The following FUCA2 variants were observed in gnomAD, a reference collection of about 807,000 sequenced individuals.
FUCA2 encodes the protein plasma alpha-L-fucosidase.
FUCA2 carries 41 observed loss-of-function variants against 52.6 expected under a neutral mutation model. The observed-to-expected ratio is 0.78, with a 90% confidence interval of 0.61 to 1.01. The LOEUF is 1.01. Ranked by LOEUF, FUCA2 falls within the 50% of genes least tolerant of loss-of-function variation. The pLI, the probability that FUCA2 is intolerant of heterozygous loss-of-function variation, is 0.00. For missense variants in FUCA2, 507 were observed against 569.5 expected (o/e 0.89, Z 1.12); for synonymous variants, 211 against 217.3 (o/e 0.97, Z 0.26).
chr6:143,511,469 C>G lies in FUCA2; in HGVS notation c.166G>C (p.Gly56Arg), dbSNP rs765526154. 5.0e-5 allele frequency: 81 copies of G among 1,609,500 alleles called. No individual in the cohort carries two copies. The highest frequency in any genetic ancestry group is 6.5e-5 in the Non-Finnish European group (77 of 1,178,008). Reference protein sequence around the residue: ...LPAWFDQAKFGIFIHWGVFSV... With the variant: ...LPAWFDQAKFRIFIHWGVFSV... ...AACACTCCCCAGTGGATGAAGATGC[C>G]GAACTTGGCCTGGTCAAACCACGCG... is the stretch of plus-strand genomic sequence containing the variant. Residue 56 changes from glycine (G) to arginine (R), a missense_variant, in exon 1 of 7, where the codon GGC becomes CGC. Physicochemically the swap from Gly to Arg is moderately radical, Grantham distance 125. Transcript: ENST00000002165. The surrounding 1 kb of genome is among the most constrained non-coding windows in gnomAD (Gnocchi z 6.3).
At chr6:143,505,786 C>T (rs1228352250) in intron 2 of FUCA2, 2 of 152,136 alleles carry the variant, frequency 1.3e-5, no homozygotes, top group Non-Finnish European at 2.9e-5. Context: ...TTGAATATCA[C>T]CACCATAAGC....
In FUCA2 at chr6:143,511,053, G is replaced by A. The variant is rs918179297; in HGVS notation, c.224+358C>T. Among the ~76,000 whole-genome samples the A allele has an allele frequency of 3.9e-5, 6 of 152,210 alleles. No individual in the cohort carries two copies. Among genetic ancestry groups the A allele is most frequent in the African/African-American group, 1.4e-4 (6 of 41,456 alleles). The stretch of plus-strand genomic sequence containing the variant: ...AGAGCAACCATAGGCCATTGTGCCT[G>A]AGTCACCGCTCGTGTGATGCCCCTG... On this transcript the variant is annotated intron_variant, in intron 1 of 6. Transcript: ENST00000002165. This position sits in a 1 kb window ranked among gnomAD's most constrained non-coding sequence, Gnocchi z 6.3.
rs928061562 is a variant in FUCA2 at position 143,511,697 on chromosome 6, C to G, written c.-63G>C. 19 of 1,375,564 alleles carry G rather than the reference C, an allele frequency of 1.4e-5. No individual in the cohort carries two copies. The highest frequency in any genetic ancestry group is 2.6e-5 in the East Asian group (1 of 38,274). 85.2% of individuals were successfully genotyped at this position (1,375,564 alleles called of 1,614,324 possible). A position where few individuals can be genotyped will look rare whatever the true frequency, so the allele number is the denominator to read the frequency against. On this transcript the variant is annotated 5_prime_UTR_variant, in exon 1 of 7. Transcript: ENST00000002165. The surrounding 1 kb of genome is among the most constrained non-coding windows in gnomAD (Gnocchi z 6.3). ...CGCGGCCTCGGGAGCGCTGTTCTTC[C>G]GTCTCTGCCGCTGAGTATGCCGCGC...
rs1463206188 is a variant in FUCA2 at position 143,503,134 on chromosome 6, G to C, written c.753-569C>G. 1.3e-5 allele frequency: 2 copies of C among 152,788 alleles called. No homozygotes were observed. The highest frequency in any genetic ancestry group is 2.9e-5 in the Non-Finnish European group (2 of 68,494). 9.5% of individuals were successfully genotyped at this position (152,788 alleles called of 1,614,324 possible). ...AGAGGGAAATACACGCCACATAGAG[G>C]GAACAGTTTTGAGTCACAAATTGAA... is the stretch of plus-strand genomic sequence containing the variant. On this transcript the variant is annotated intron_variant, in intron 3 of 6. Transcript: ENST00000002165. This position sits in a 1 kb window ranked among gnomAD's most constrained non-coding sequence, Gnocchi z 4.8.
rs1403300248 is a variant in FUCA2, at chr6:143,504,223, A to T, written c.442T>A (p.Trp148Arg). 1.2e-6 allele frequency: 2 copies of T among 1,613,960 alleles called. No individual in the cohort carries two copies. Among genetic ancestry groups the T allele is most frequent in the Admixed American group, 3.3e-5 (2 of 60,014 alleles). Residue 148 changes from tryptophan (W) to arginine (R), a missense_variant, in exon 3 of 7, where the codon TGG (tryptophan) becomes AGG (arginine). Trp to Arg is a moderately radical substitution (Grantham distance 101). Coordinates refer to ENST00000002165, the MANE Select transcript of FUCA2 (RefSeq NM_032020.5). This position sits in a 1 kb window ranked among gnomAD's most constrained non-coding sequence, Gnocchi z 4.4. Reference sequence around the variant, plus strand: ...CCCTCATCTATGGCATTCCAGTTCCACGAATATTCTGACCCCCACAAGGTA... The same window carrying T: ...CCCTCATCTATGGCATTCCAGTTCCTCGAATATTCTGACCCCCACAAGGTA... ...GFTLWGSEYS[W>R]NWNAIDEGPK...
chr6:143,496,066 G>A (rs1780455929), intron 6 of FUCA2, among the ~76,000 whole-genome samples: 1 of 152,140 alleles, frequency 6.6e-6, no homozygotes. Context: ...GGAAATAGAA[G>A]TGTGCAGGGG....
intron 6 of FUCA2, chr6:143,496,652 T>G (rs2128421357): frequency 6.6e-6 from 1 of 152,304 alleles, no homozygotes; most frequent in South Asian, 2.1e-4. Context: ...CAATGCCAGA[T>G]CTGGTGGTTT....
At position 143,509,314 on chromosome 6, in the gene FUCA2, A is replaced by C. The variant is rs1346823797; in HGVS notation, c.225-1890T>G. Among the ~76,000 whole-genome samples, 1 of 152,242 alleles carries C rather than the reference A, an allele frequency of 6.6e-6. No individual in the cohort carries two copies. Among genetic ancestry groups the C allele is most frequent in the Non-Finnish European group, 1.5e-5 (1 of 68,042 alleles). On this transcript the variant is annotated intron_variant, in intron 1 of 6. Transcript: ENST00000002165. This position sits in a 1 kb window ranked among gnomAD's most constrained non-coding sequence, Gnocchi z 5.4. Reference sequence around the variant, plus strand: ...TGAGGAGCAGAGGATACAAAGGGAAATCACAGGTAATTAAAGAATCTTCCA... The same window carrying C: ...TGAGGAGCAGAGGATACAAAGGGAACTCACAGGTAATTAAAGAATCTTCCA...
At position 143,511,641 on chromosome 6, in the gene FUCA2, G is replaced by C. The variant is rs1477824143; in HGVS notation, c.-7C>G. ...GGAGCTCCTGGGGCCGCATGTCCCG[G>C]CGCAGGCCGGCTGTCCTCTCTGCAG... On this transcript the variant is annotated 5_prime_UTR_variant, in exon 1 of 7. Transcript: ENST00000002165. This position sits in a 1 kb window ranked among gnomAD's most constrained non-coding sequence, Gnocchi z 6.3. 1 of 1,502,990 alleles carries C rather than the reference G, an allele frequency of 6.7e-7. No homozygotes were observed. Among genetic ancestry groups the C allele is most frequent in the Non-Finnish European group, 8.9e-7 (1 of 1,126,050 alleles). The allele number at this position is 1,502,990 out of a possible 1,614,324, so 93.1% of individuals were successfully genotyped here.
rs144962766 is a variant in FUCA2 at position 143,507,949 on chromosome 6, A to G, written c.225-525T>C. ...CTCCCGAAGTGTTAGGATTACAGGC[A>G]TGAGTCACCGTGTCCAGCCCCATTC... On this transcript the variant is annotated intron_variant, in intron 1 of 6. Transcript: ENST00000002165. The surrounding 1 kb of genome is among the most constrained non-coding windows in gnomAD (Gnocchi z 4.5). Among the ~76,000 whole-genome samples the G allele has an allele frequency of 1.3e-3, 192 of 152,276 alleles. 1 individual carries two copies. Among genetic ancestry groups the G allele is most frequent in the African/African-American group, 4.2e-3 (175 of 41,542 alleles).
rs963469021 is a variant in FUCA2 at position 143,507,724 on chromosome 6, C to A, written c.225-300G>T. On this transcript the variant is annotated intron_variant, in intron 1 of 6. Transcript: ENST00000002165. This position sits in a 1 kb window ranked among gnomAD's most constrained non-coding sequence, Gnocchi z 4.5. The stretch of plus-strand genomic sequence containing the variant: ...TCACTCTGTCACTCAGGTTGGAATG[C>A]AGTAATGGAATCATGGTTCACTGCA... 2.6e-5 allele frequency among the ~76,000 whole-genome samples: 4 copies of A among 152,146 alleles called. No individual in the cohort carries two copies. The highest frequency in any genetic ancestry group is 9.7e-5 in the African/African-American group (4 of 41,438).
chr6:143,497,307 T>C lies in FUCA2; in HGVS notation c.1263+82A>G. ...TTATGAAGTATAAGTGAAACAGTTA[T>C]AAGGCTCCCCTTAAAAGTTAATGTT... On this transcript the variant is annotated intron_variant, in intron 6 of 6. Coordinates refer to ENST00000002165, the MANE Select transcript of FUCA2 (RefSeq NM_032020.5). The surrounding 1 kb of genome is among the most constrained non-coding windows in gnomAD (Gnocchi z 5.3). The C allele has an allele frequency of 1.1e-6, 1 of 894,280 alleles. No individual in the cohort carries two copies. The highest frequency in any genetic ancestry group is 1.8e-5 in the Admixed American group (1 of 54,506). 55.4% of individuals were successfully genotyped at this position (894,280 alleles called of 1,614,324 possible).
In FUCA2 at chr6:143,504,962, T is replaced by C. The variant is rs1285048465; in HGVS notation, c.413-710A>G. ...CATAAGCTTGGATGTTCCTCTTTAA[T>C]AAAATTACCCAAAAGTGAATAGTCT... On this transcript the variant is annotated intron_variant, in intron 2 of 6. Coordinates refer to ENST00000002165, the MANE Select transcript of FUCA2 (RefSeq NM_032020.5). This position sits in a 1 kb window ranked among gnomAD's most constrained non-coding sequence, Gnocchi z 4.4. The C allele has an allele frequency of 1.3e-5, 2 of 152,158 alleles. No homozygotes were observed. The highest frequency in any genetic ancestry group is 2.9e-5 in the Non-Finnish European group (2 of 68,020). 9.4% of individuals were successfully genotyped at this position (152,158 alleles called of 1,614,324 possible). A position where few individuals can be genotyped will look rare whatever the true frequency, so the allele number is the denominator to read the frequency against.
At position 143,508,219 on chromosome 6, in the gene FUCA2, G is replaced by A. The variant is rs755171803; in HGVS notation, c.225-795C>T. Among the ~76,000 whole-genome samples the A allele has an allele frequency of 9.9e-5, 15 of 152,192 alleles. No homozygotes were observed. In the South Asian group the frequency reaches 1.7e-3, roughly 17 times the overall value. On this transcript the variant is annotated intron_variant, in intron 1 of 6. Coordinates refer to ENST00000002165, the MANE Select transcript of FUCA2 (RefSeq NM_032020.5). ...AACCTTCAACAATTACTTGCTATAC[G>A]CATTCATTCTAAGCAATGGTATATT... is the stretch of plus-strand genomic sequence containing the variant.
chr6:143,506,913 G>C (rs1439693054), intron 2 of FUCA2: 1 of 295,146 alleles, frequency 3.4e-6, no homozygotes, highest in Non-Finnish European at 6.2e-6. Context: ...AGGAAAGAGT[G>C]CAATTCCAAG....
chr6:143,506,240 G>C (rs1005305200), intron 2 of FUCA2: 3 of 134,814 alleles, frequency 2.2e-5, no homozygotes, highest in Non-Finnish European at 4.6e-5. Flanking sequence ...CCGCCACCTA[G>C]ACTGGAGTGT....
rs1780652209 is a variant in FUCA2, at chr6:143,509,203, T to A, written c.225-1779A>T. Among the ~76,000 whole-genome samples, 1 of 152,234 alleles carries A rather than the reference T, an allele frequency of 6.6e-6. No homozygotes were observed. Among genetic ancestry groups the A allele is most frequent in the South Asian group, 2.1e-4 (1 of 4,830 alleles). On this transcript the variant is annotated intron_variant, in intron 1 of 6. Transcript: ENST00000002165. The surrounding 1 kb of genome is among the most constrained non-coding windows in gnomAD (Gnocchi z 5.4). ...AAGAGGCATTTATGGTAAAGGTCTA[T>A]CATTTATATTTGGTTTTTAATAGAC... is the stretch of plus-strand genomic sequence containing the variant.
At position 143,510,574 on chromosome 6, in the gene FUCA2, G is replaced by A. The variant is rs1258213073; in HGVS notation, c.224+837C>T. 4.0e-5 allele frequency among the ~76,000 whole-genome samples: 6 copies of A among 151,706 alleles called. No individual in the cohort carries two copies. Among genetic ancestry groups the A allele is most frequent in the African/African-American group, 1.5e-4 (6 of 41,236 alleles). ...GAATCGTTTGAACCCGGGCGGCGAA[G>A]GTTGCAGTGAGCCGAGATGGTGCCA... On this transcript the variant is annotated intron_variant, in intron 1 of 6. Coordinates refer to ENST00000002165, the MANE Select transcript of FUCA2 (RefSeq NM_032020.5). This position sits in a 1 kb window ranked among gnomAD's most constrained non-coding sequence, Gnocchi z 4.4.
rs1780675581 is a variant in FUCA2, at chr6:143,511,048, TGCCTGAGTCACCGCTC to T, written c.224+347_224+362del. Among the ~76,000 whole-genome samples the T allele has an allele frequency of 6.6e-6, 1 of 152,228 alleles. No homozygotes were observed. The highest frequency in any genetic ancestry group is 2.1e-4 in the South Asian group (1 of 4,830). On this transcript the variant is annotated intron_variant, in intron 1 of 6. Coordinates refer to ENST00000002165, the MANE Select transcript of FUCA2 (RefSeq NM_032020.5). This position sits in a 1 kb window ranked among gnomAD's most constrained non-coding sequence, Gnocchi z 6.3. ...GCAGCAGAGCAACCATAGGCCATTG[TGCCTGAGTCACCGCTC>T]GTGTGATGCCCCTGCACAAACTGAT...
Sources: gnomAD v4.1 joint callset for allele counts (sites outside exome capture counted in the v4.1 genomes callset) on GRCh38, gnomAD v4.1.1 for gene constraint, Gnocchi (gnomAD v3.1) non-coding constraint, MANE v1.5 for transcripts, NCBI Gene and HGNC (gene_info 2026-07-23, HGNC 2026-07-21) for gene names.